The following HIKESHI variants were observed in gnomAD, a reference collection of about 807,000 sequenced individuals.
HIKESHI encodes the protein protein Hikeshi.
Under a neutral mutation model 25.7 loss-of-function variants are expected in HIKESHI, and 13 were observed. The observed-to-expected ratio is 0.51, with a 90% CI of 0.33 to 0.80. HIKESHI has a LOEUF of 0.80. Ranked by LOEUF, HIKESHI falls within the 30% of genes least tolerant of loss-of-function variation. HIKESHI has a pLI of 0.02. For synonymous variants in HIKESHI, 76 were observed against 78.7 expected (o/e 0.97, Z 0.18); for missense variants, 174 against 229.5 (o/e 0.76, Z 1.56).
chr11:86,319,826 T>TG (rs1947104840), intron 2 of HIKESHI, among the ~76,000 whole-genome samples: 1 of 152,172 alleles, frequency 6.6e-6, no homozygotes, highest in South Asian at 2.1e-4. Context: ...TAGGTGGTGG[T>TG]GTGTTTTTCC....
chr11:86,337,614 G>A, intron 3 of HIKESHI, 84 bp downstream of exon 3: 1 of 1,320,626 alleles, frequency 7.6e-7, no homozygotes, highest in South Asian at 1.6e-5. Context: ...CGTAACTTAG[G>A]GTATACAATG....
chr11:86,337,619 A>G, intron 3 of HIKESHI, 89 bp downstream of exon 3: 1 of 1,304,796 alleles, frequency 7.7e-7, no homozygotes. Flanking sequence ...CTTAGGGTAT[A>G]CAATGTGATG....
rs71040230 is a variant in HIKESHI, at chr11:86,318,303, C to CAAAAAAAAAAAAAAAAA, written c.268+11825_268+11841dup. 3.9e-3 allele frequency among the ~76,000 whole-genome samples: 139 copies of CAAAAAAAAAAAAAAAAA among 35,650 alleles called. 18 individuals carry two copies. Among genetic ancestry groups the CAAAAAAAAAAAAAAAAA allele is most frequent in the Non-Finnish European group, 5.6e-3 (106 of 19,086 alleles). The allele number at this position is 35,650 out of a possible 152,430, so 23.4% of individuals were successfully genotyped here. On this transcript the variant is annotated intron_variant, in intron 2 of 4. Coordinates refer to ENST00000278483, the MANE Select transcript of HIKESHI (RefSeq NM_016401.4). ...TGGGCGACAGAGCAAGACTCCGTCT[C>CAAAAAAAAAAAAAAAAA]AAAAAAAAAAAAAAAAAAAATCCTG...
chr11:86,306,450 G>T lies in HIKESHI; in HGVS notation c.236G>T (p.Ser79Ile). 6.2e-7 allele frequency: 1 copy of T among 1,612,010 alleles called. No individual in the cohort carries two copies. Among genetic ancestry groups the T allele is most frequent in the Non-Finnish European group, 8.5e-7 (1 of 1,178,310 alleles). Residue 79 changes from serine (S) to isoleucine (I), a missense_variant, in exon 2 of 5, where the codon AGT (serine) becomes ATT (isoleucine). Ser to Ile is a moderately radical substitution (Grantham distance 142, BLOSUM62 -2). Coordinates refer to ENST00000278483, the MANE Select transcript of HIKESHI (RefSeq NM_016401.4). ...GGATTTGTCACGAATGGGAAGCCAA[G>T]TGCCATCTTCAAAATTTCAGGTCTT... The part of the protein sequence containing the change: ...LLGFVTNGKP[S>I]AIFKISGLKS...
intron 2 of HIKESHI, among the ~76,000 whole-genome samples, chr11:86,312,961 C>T (rs989832903): frequency 6.6e-6 from 1 of 152,138 alleles, no homozygotes; most frequent in African/African-American, 2.4e-5. Flanking sequence ...TTGTGGGTAA[C>T]CCGAGCTTTC....
At chr11:86,309,507 C>T (rs1946775068) in intron 2 of HIKESHI, among the ~76,000 whole-genome samples, 1 of 152,030 alleles carries the variant, frequency 6.6e-6, no homozygotes, top group African/African-American at 2.4e-5. Context: ...AAATTTTCTC[C>T]CATTCTGTGG....
chr11:86,344,641 T>G lies in HIKESHI; in HGVS notation c.459T>G (p.Ala153=), dbSNP rs773000365. The change falls in exon 4 of 5, where the codon GCT becomes GCG. Residue 153 remains alanine, a synonymous_variant. Coordinates refer to ENST00000278483, the MANE Select transcript of HIKESHI (RefSeq NM_016401.4). ...TGTTGGACAATTTCTACAATTTTGCTTCATCATTTGCTGTCTCTCAGGCCC... is the reference window on the plus strand; with the variant it reads ...TGTTGGACAATTTCTACAATTTTGCGTCATCATTTGCTGTCTCTCAGGCCC... The part of the protein sequence containing the change: ...QKMLDNFYNF[A]SSFAVSQAQM... The G allele has an allele frequency of 6.2e-7, 1 of 1,609,110 alleles. No individual in the cohort carries two copies. Among genetic ancestry groups the G allele is most frequent in the South Asian group, 1.1e-5 (1 of 90,408 alleles).
At chr11:86,304,512 CTT>C (rs35545393) in intron 1 of HIKESHI, among the ~76,000 whole-genome samples, 10 of 112,542 alleles carry the variant, frequency 8.9e-5, no homozygotes, top group African/African-American at 1.7e-4. Context: ...GCACAACTCA[CTT>C]TTTTTTTTTT....
chr11:86,341,256 T>C (rs115502274), intron 3 of HIKESHI, among the ~76,000 whole-genome samples: 347 of 152,330 alleles, frequency 2.3e-3, no homozygotes, highest in African/African-American at 7.4e-3. Flanking sequence ...ATTAAAAGTT[T>C]ACAGTATTAT....
In HIKESHI at chr11:86,307,958, T is replaced by TATATATTATGTGTAA. The variant is rs1565719985; in HGVS notation, c.268+1476_268+1477insATATATTATGTGTAA. Among the ~76,000 whole-genome samples, 33 of 15,736 alleles carry TATATATTATGTGTAA rather than the reference T, an allele frequency of 2.1e-3. 7 individuals are homozygous for TATATATTATGTGTAA. Among genetic ancestry groups the TATATATTATGTGTAA allele is most frequent in the African/African-American group, 0.011 (30 of 2,714 alleles). 10.3% of individuals were successfully genotyped at this position (15,736 alleles called of 152,430 possible). A position where few individuals can be genotyped will look rare whatever the true frequency, so the allele number is the denominator to read the frequency against. ...AAATATATATTATGTGTAATATATA[T>TATATATTATGTGTAA]TATATAAAATATATATGTGTAATAT... On this transcript the variant is annotated intron_variant, in intron 2 of 4. Coordinates refer to ENST00000278483, the MANE Select transcript of HIKESHI (RefSeq NM_016401.4).
chr11:86,332,857 T>C (rs1250985002), intron 2 of HIKESHI, among the ~76,000 whole-genome samples: 1 of 152,244 alleles, frequency 6.6e-6, no homozygotes, highest in East Asian at 1.9e-4. Flanking sequence ...ATTTGGCCTG[T>C]GGGCCTTGGT....
chr11:86,308,691 G>A (rs1211499211), intron 2 of HIKESHI, among the ~76,000 whole-genome samples: 1 of 151,694 alleles, frequency 6.6e-6, no homozygotes. Context: ...TTTACATTAG[G>A]TATATCTCCT....
chr11:86,322,235 C>A (rs145200594), intron 2 of HIKESHI, among the ~76,000 whole-genome samples: 1 of 152,178 alleles, frequency 6.6e-6, no homozygotes, highest in Non-Finnish European at 1.5e-5. Context: ...GATACACCCA[C>A]CTCAGCCTCC....
intron 2 of HIKESHI, among the ~76,000 whole-genome samples, chr11:86,323,139 G>A (rs1025378508): frequency 5.3e-5 from 8 of 152,026 alleles, no homozygotes; most frequent in Admixed American, 3.3e-4. Context: ...GAGGCCTCAG[G>A]AGGATTGCTT....
At chr11:86,345,054 G>A in intron 4 of HIKESHI, 1 of 914,112 alleles carries the variant, frequency 1.1e-6, no homozygotes, top group Non-Finnish European at 1.4e-6. Flanking sequence ...GTACATGAAT[G>A]GCTAATGAAT....
chr11:86,320,219 A>G (rs900094134), intron 2 of HIKESHI, among the ~76,000 whole-genome samples: 3 of 152,166 alleles, frequency 2.0e-5, no homozygotes, highest in Non-Finnish European at 2.9e-5. Flanking sequence ...AATCCATTGG[A>G]CCCAATTTTA....
intron 2 of HIKESHI, chr11:86,324,057 A>G (rs1458661505): frequency 6.6e-6 from 1 of 151,956 alleles, no homozygotes. Context: ...TGCAGTGGCT[A>G]TATACAGATA....
At position 86,325,436 on chromosome 11, in the gene HIKESHI, G is replaced by C. The variant is rs914646536; in HGVS notation, c.269-11943G>C. Among the ~76,000 whole-genome samples the C allele has an allele frequency of 2.0e-5, 3 of 152,230 alleles. No individual in the cohort carries two copies. The East Asian group carries it at 5.8e-4, about 29-fold the overall frequency. On this transcript the variant is annotated intron_variant, in intron 2 of 4. Transcript: ENST00000278483. ...TTATGTGATAAATACATTTTACCCCGTTGCTGGAACAATCTGTGGGTGATG... is the reference window on the plus strand; with the variant it reads ...TTATGTGATAAATACATTTTACCCCCTTGCTGGAACAATCTGTGGGTGATG...
chr11:86,330,553 T>G (rs1947395724), intron 2 of HIKESHI, among the ~76,000 whole-genome samples: 1 of 152,194 alleles, frequency 6.6e-6, no homozygotes, highest in Non-Finnish European at 1.5e-5. Flanking sequence ...AAATATCATT[T>G]ACTCACTTTT....
Sources: allele counts gnomAD v4.1 joint callset (sites outside exome capture counted in the v4.1 genomes callset), GRCh38; gene constraint gnomAD v4.1.1; transcripts MANE v1.5; gene names NCBI Gene and HGNC (gene_info 2026-07-23, HGNC 2026-07-21).